STAT5B: variants seen among roughly 807,000 people sequenced by gnomAD.
The protein encoded by STAT5B is signal transducer and activator of transcription 5B.
In STAT5B, 21 loss-of-function variants were observed where a neutral mutation model predicts 107.8. The observed-to-expected ratio is 0.19, with a 90% CI of 0.14 to 0.28. STAT5B has a LOEUF of 0.28. Ranked by LOEUF, STAT5B falls within the 10% of genes least tolerant of loss-of-function variation. The pLI is 1.00. For missense variants in STAT5B, 565 were observed against 1,008.2 expected (o/e 0.56, Z 5.95); for synonymous variants, 325 against 401.7 (o/e 0.81, Z 2.28).
In STAT5B at chr17:42,201,731, C is replaced by T. The variant is rs527627852; in HGVS notation, c.*7G>A. The T allele has an allele frequency of 9.1e-6, 14 of 1,545,102 alleles. No individual in the cohort carries two copies. The highest frequency in any genetic ancestry group is 6.7e-5 in the East Asian group (3 of 44,560). On this transcript the variant is annotated 3_prime_UTR_variant, in exon 19 of 19. Coordinates refer to ENST00000293328, the MANE Select transcript of STAT5B (RefSeq NM_012448.4). ...ATGAAGAAGCTGAAGATGGAGAGGT[C>T]GCGGGGTCACGATTGTGCGTGCGGG... is the stretch of plus-strand genomic sequence containing the variant.
chr17:42,236,725 G>C (rs2080359482), intron 1 of STAT5B, among the ~76,000 whole-genome samples: 1 of 152,148 alleles, frequency 6.6e-6, no homozygotes, highest in Admixed American at 6.5e-5. Flanking sequence ...GCGTGAGCCA[G>C]CGTGCCTGGC....
intron 1 of STAT5B, among the ~76,000 whole-genome samples, chr17:42,252,007 A>AG (rs1462599061): frequency 6.6e-6 from 1 of 151,826 alleles, no homozygotes; most frequent in African/African-American, 2.4e-5. Flanking sequence ...TCAAAAAAAA[A>AG]AAAAAAGAAA....
intron 12 of STAT5B, among the ~76,000 whole-genome samples, chr17:42,214,004 G>A (rs752712063): frequency 1.1e-4 from 17 of 151,504 alleles, no homozygotes; most frequent in East Asian, 2.0e-4. Context: ...TTAATTGGGC[G>A]TGGTGGCATG....
intron 1 of STAT5B, chr17:42,234,096 G>A (rs2080338867): frequency 6.6e-6 from 1 of 152,170 alleles, no homozygotes; most frequent in African/African-American, 2.4e-5. Flanking sequence ...TAAGAACTAG[G>A]TTACAGTTAG....
the STAT5B span, among the ~76,000 whole-genome samples, chr17:42,284,340 A>C: frequency 9.9e-5 from 15 of 151,294 alleles, no homozygotes; most frequent in Non-Finnish European, 1.8e-4. Context: ...GATCTCAGCT[A>C]ACTGCAACCT....
Position 42,215,998 on chromosome 17 carries a change from C to T in STAT5B, c.1473+16G>A, listed in dbSNP as rs748357500. ...GCATTGATTTTGGGACCCACATGCC[C>T]GAGGAATACACTCACAGGCTCTGCA... On this transcript the variant is annotated intron_variant, in intron 12 of 18. Transcript: ENST00000293328. 6.2e-7 allele frequency: 1 copy of T among 1,613,308 alleles called. No individual in the cohort carries two copies. Among genetic ancestry groups the T allele is most frequent in the Non-Finnish European group, 8.5e-7 (1 of 1,179,562 alleles).
intron 1 of STAT5B, among the ~76,000 whole-genome samples, chr17:42,237,285 AG>A (rs1455339365): frequency 6.6e-6 from 1 of 152,246 alleles, no homozygotes; most frequent in Middle Eastern, 3.2e-3. Flanking sequence ...ATAATGTTAC[AG>A]GCTTACTGAA....
intron 7 of STAT5B, 127 bp downstream of exon 7, chr17:42,219,185 C>T: frequency 7.2e-7 from 1 of 1,394,832 alleles, no homozygotes; most frequent in Non-Finnish European, 9.6e-7. Flanking sequence ...GAACCAGGCT[C>T]CCTGGAGAAA....
intron 16 of STAT5B, among the ~76,000 whole-genome samples, chr17:42,206,291 T>C (rs1045592012): frequency 1.3e-5 from 2 of 152,136 alleles, no homozygotes; most frequent in Non-Finnish European, 2.9e-5. Context: ...GGTTTCACCA[T>C]GTTGGCCAGG....
At chr17:42,204,064 G>C (rs1482326635) in intron 16 of STAT5B, among the ~76,000 whole-genome samples, 1 of 152,168 alleles carries the variant, frequency 6.6e-6, no homozygotes, top group Non-Finnish European at 1.5e-5. Context: ...TTCAGGAAAG[G>C]GAAGGCTACT....
chr17:42,211,745 A>G (rs2080131367), intron 13 of STAT5B, among the ~76,000 whole-genome samples: 1 of 152,178 alleles, frequency 6.6e-6, no homozygotes, highest in Non-Finnish European at 1.5e-5. Flanking sequence ...TATTTCCTTT[A>G]CAAAGGAAGA....
At chr17:42,233,107 G>C (rs1298224238) in intron 1 of STAT5B, among the ~76,000 whole-genome samples, 1 of 152,040 alleles carries the variant, frequency 6.6e-6, no homozygotes, top group Non-Finnish European at 1.5e-5. Flanking sequence ...AAAGGGCTGG[G>C]GTTATAGGTG....
chr17:42,205,106 C>A (rs970883383), intron 16 of STAT5B, among the ~76,000 whole-genome samples: 4 of 152,140 alleles, frequency 2.6e-5, no homozygotes, highest in African/African-American at 9.7e-5. Context: ...TGGCTCACTG[C>A]AACCTCCGCC....
the STAT5B span, among the ~76,000 whole-genome samples, chr17:42,285,418 T>C: frequency 6.6e-6 from 1 of 152,194 alleles, no homozygotes; most frequent in African/African-American, 2.4e-5. Flanking sequence ...GTAAGATTTC[T>C]AAAATCCTTC....
rs1344327345 is a variant in STAT5B, at chr17:42,269,038, A to G, written c.-11+7210T>C. On this transcript the variant is annotated intron_variant, in intron 1 of 18. Transcript: ENST00000293328. ...TTTAAAATCCCACTCCTTCAAAAAC[A>G]GTGACTTGCCACCAGCTATAGGCTC... Among the ~76,000 whole-genome samples the G allele has an allele frequency of 2.0e-5, 3 of 152,160 alleles. No individual in the cohort carries two copies. In the East Asian group the frequency reaches 5.8e-4, roughly 29 times the overall value.
intron 3 of STAT5B, 116 bp downstream of exon 3, chr17:42,227,413 G>T: frequency 8.3e-5 from 105 of 1,264,172 alleles, no homozygotes; most frequent in Non-Finnish European, 9.8e-5. Context: ...CACACAACAA[G>T]AACCTTATGC....
At chr17:42,255,645 C>T (rs901949783) in intron 1 of STAT5B, among the ~76,000 whole-genome samples, 1 of 152,130 alleles carries the variant, frequency 6.6e-6, no homozygotes, top group African/African-American at 2.4e-5. Flanking sequence ...TTGTCAGAGC[C>T]TGCGGGGAGG....
At chr17:42,202,624 G>A in intron 17 of STAT5B, 133 bp downstream of exon 17, 1 of 1,534,496 alleles carries the variant, frequency 6.5e-7, no homozygotes, top group Non-Finnish European at 9.0e-7. Context: ...GCATCACCAA[G>A]CCCAGGTCCT....
chr17:42,227,504 G>A (rs1384321402), intron 3 of STAT5B, 25 bp downstream of exon 3: 1 of 1,612,458 alleles, frequency 6.2e-7, no homozygotes, highest in East Asian at 2.2e-5. Context: ...AGGTAATTAA[G>A]TGTGACCCCA....
Sources: allele counts gnomAD v4.1 joint callset (sites outside exome capture counted in the v4.1 genomes callset), GRCh38; gene constraint gnomAD v4.1.1; transcripts MANE v1.5; gene names NCBI Gene and HGNC (gene_info 2026-07-23, HGNC 2026-07-21).